A2M: variants seen among roughly 807,000 people sequenced by gnomAD.
The protein encoded by A2M is alpha-2-macroglobulin, also known as C3 and PZP-like alpha-2-macroglobulin domain-containing protein 5.
A2M carries 128 observed loss-of-function variants against 183.9 expected under a neutral mutation model. The observed-to-expected ratio is 0.70, with a 90% CI of 0.60 to 0.81. The LOEUF (loss-of-function observed/expected upper bound fraction) is 0.81. A2M is among the 30% of genes least tolerant of loss of function. The pLI, the probability that A2M is intolerant of heterozygous loss-of-function variation, is 0.00. For missense variants in A2M, 1,495 were observed against 1,787.6 expected, an observed-to-expected ratio of 0.84 and a Z score of 2.95; for synonymous variants, 592 against 670.8, an observed-to-expected ratio of 0.88 and a Z score of 1.81.
At chr12:9,105,988 A>T (rs1487890840) in intron 10 of A2M, among the ~76,000 whole-genome samples, 1 of 152,188 alleles carries the variant, frequency 6.6e-6, no homozygotes, top group Non-Finnish European at 1.5e-5. Flanking sequence ...AAGGGGGGAA[A>T]ACTCTACTAA....
In A2M at chr12:9,077,410, TCTA is replaced by T; in HGVS notation, c.3284_3286del (p.Val1095del). ...ATAGGCGGAGAGGGTCACTTCATCT[TCTA>T]CTCCTCCCTGTGAATACGAGAGAGA... is the stretch of plus-strand genomic sequence containing the variant. On this transcript the variant is annotated inframe_deletion, in exon 27 of 36. Coordinates refer to ENST00000318602, the MANE Select transcript of A2M (RefSeq NM_000014.6). The T allele has an allele frequency of 5.0e-6, 8 of 1,613,134 alleles. No homozygotes were observed. The highest frequency in any genetic ancestry group is 6.8e-6 in the Non-Finnish European group (8 of 1,179,542).
chr12:9,094,218 A>G (rs2032243039), intron 17 of A2M, among the ~76,000 whole-genome samples: 2 of 151,788 alleles, frequency 1.3e-5, no homozygotes, highest in Admixed American at 6.6e-5. Flanking sequence ...TAATAATAAT[A>G]AAGACTTTTT....
chr12:9,093,671 A>G, intron 17 of A2M, 92 bp from the exon 18 acceptor site: 1 of 727,694 alleles, frequency 1.4e-6, no homozygotes, highest in Non-Finnish European at 2.1e-6. Context: ...AAAAAACAAA[A>G]AACAAATCGT....
chr12:9,111,992 T>C, intron 4 of A2M, 167 bp downstream of exon 4: 1 of 789,392 alleles, frequency 1.3e-6, no homozygotes, highest in Non-Finnish European at 2.3e-6. Flanking sequence ...ACCTACTTTC[T>C]TTACCTGGAA....
At chr12:9,067,872 G>C (rs781331315) in intron 35 of A2M, 33 bp from the exon 36 acceptor site, 5 of 1,604,930 alleles carry the variant, frequency 3.1e-6, no homozygotes, top group Non-Finnish European at 4.3e-6. Flanking sequence ...AATTAAGACA[G>C]ATTTGGGTCT....
chr12:9,075,772 C>T (rs75158900), intron 28 of A2M, among the ~76,000 whole-genome samples: 11 of 152,196 alleles, frequency 7.2e-5, no homozygotes, highest in African/African-American at 2.2e-4. Flanking sequence ...GGAATTGTAA[C>T]GACAAATTCA....
Position 9,115,496 on chromosome 12 carries a change from T to C in A2M, c.86+268A>G, listed in dbSNP as rs187404214. On this transcript the variant is annotated intron_variant, in intron 1 of 35. Transcript: ENST00000318602. The stretch of plus-strand genomic sequence containing the variant: ...ATGGTCTCAAGTAGATCAATATGAA[T>C]GTGAATATCTAAAATTTATTCTTTT... 5.2e-5 allele frequency: 18 copies of C among 348,146 alleles called. No individual in the cohort carries two copies. The Admixed American group carries it at 6.8e-4, about 13-fold the overall frequency. The allele number at this position is 348,146 out of a possible 1,614,324, so 21.6% of individuals were successfully genotyped here.
intron 13 of A2M, among the ~76,000 whole-genome samples, chr12:9,100,016 T>A (rs1937696868): frequency 6.6e-6 from 1 of 152,250 alleles, no homozygotes; most frequent in African/African-American, 2.4e-5. Context: ...GCTATGGTGC[T>A]TCTGTGTTGC....
chr12:9,110,244 C>T, intron 5 of A2M, 70 bp downstream of exon 5: 1 of 1,297,020 alleles, frequency 7.7e-7, no homozygotes, highest in East Asian at 2.5e-5. Context: ...TTGTAAAAAC[C>T]TCTGAAATAA....
At chr12:9,105,798 T>A (rs939742302) in intron 10 of A2M, among the ~76,000 whole-genome samples, 1 of 152,218 alleles carries the variant, frequency 6.6e-6, no homozygotes, top group Non-Finnish European at 1.5e-5. Flanking sequence ...CTTTAATACT[T>A]CAAAATAAAA....
chr12:9,115,730 G>A lies in A2M; in HGVS notation c.86+34C>T, dbSNP rs372568235. On this transcript the variant is annotated intron_variant, in intron 1 of 35. Transcript: ENST00000318602. ...AATCTGCAATAAATGAAGGACTCTA[G>A]GTTCATGCTTCACGCTCTCTGTGTG... The A allele has an allele frequency of 3.3e-6, 5 of 1,535,892 alleles. No individual in the cohort carries two copies. In the African/African-American group the frequency reaches 4.1e-5, roughly 13 times the overall value.
intron 17 of A2M, 75 bp from the exon 18 acceptor site, chr12:9,093,654 CAAAA>C: frequency 1.9e-6 from 1 of 531,682 alleles, no homozygotes; most frequent in Non-Finnish European, 2.8e-6. Context: ...TAGTTGCCAC[CAAAA>C]AAAAAAAACA....
chr12:9,112,234 G>A (rs371507368), intron 3 of A2M, 23 bp from the exon 4 acceptor site: 16 of 1,613,620 alleles, frequency 9.9e-6, no homozygotes, highest in Non-Finnish European at 1.3e-5. Flanking sequence ...TATTTTTCAT[G>A]AGCCCCCAAA....
At position 9,107,540 on chromosome 12, in the gene A2M, T is replaced by C; in HGVS notation, c.863A>G (p.Glu288Gly). 1 of 1,613,958 alleles carries C rather than the reference T, an allele frequency of 6.2e-7. No individual in the cohort carries two copies. ...CHGEDSQAFCEKFSGQLNSHG... is the reference protein window; with the variant it reads ...CHGEDSQAFCGKFSGQLNSHG... ...TCAACCTACCTGTCCACTGAATTTCTCACAGAAAGCCTGTGAATCTTCACC... is the reference window on the plus strand; with the variant it reads ...TCAACCTACCTGTCCACTGAATTTCCCACAGAAAGCCTGTGAATCTTCACC... Residue 288 changes from glutamate to glycine, a missense_variant, in exon 8 of 36, where the codon GAG becomes GGG. Coordinates refer to ENST00000318602, the MANE Select transcript of A2M (RefSeq NM_000014.6).
chr12:9,109,919 T>C lies in A2M; in HGVS notation c.621A>G (p.Val207=). The C allele has an allele frequency of 6.2e-7, 1 of 1,613,900 alleles. No individual in the cohort carries two copies. The highest frequency in any genetic ancestry group is 8.5e-7 in the Non-Finnish European group (1 of 1,179,868). Residue 207 remains valine (V), a synonymous_variant, in exon 6 of 36, where the codon GTA becomes GTG. Transcript: ENST00000318602. The stretch of plus-strand genomic sequence containing the variant: ...CTGTCCTTCCACCTGATTTCTTCTG[T>C]ACCACCACCTTGTAGGAGCCCTGGA... ...EPFQGSYKVV[V]QKKSGGRTEH... is the part of the protein sequence containing the mutation.
chr12:9,114,730 C>T (rs1485047437), intron 1 of A2M, among the ~76,000 whole-genome samples: 3 of 98,838 alleles, frequency 3.0e-5, no homozygotes, highest in African/African-American at 1.8e-4. Flanking sequence ...AATACATATA[C>T]ATAAATACAT....
chr12:9,112,419 A>G lies in A2M; in HGVS notation c.388T>C (p.Phe130Leu). ...VMVKNEDSLVFVQTDKSIYKP... is the reference protein window; with the variant it reads ...VMVKNEDSLVLVQTDKSIYKP... ...TAGATTGATTTGTCTGTCTGGACAA[A>G]GACCAGACTGTCCTCGTTCTTAACC... Residue 130 changes from phenylalanine (F) to leucine (L), a missense_variant, in exon 3 of 36, where the codon TTT becomes CTT. Phe to Leu is a conservative substitution (Grantham distance 22). Coordinates refer to ENST00000318602, the MANE Select transcript of A2M (RefSeq NM_000014.6). 1 of 1,613,724 alleles carries G rather than the reference A, an allele frequency of 6.2e-7. No individual in the cohort carries two copies. The highest frequency in any genetic ancestry group is 8.5e-7 in the Non-Finnish European group (1 of 1,179,662).
In A2M at chr12:9,067,829, A is replaced by G. The variant is rs1350615491; in HGVS notation, c.4419T>C (p.Asn1473=). 2 of 1,612,832 alleles carry G rather than the reference A, an allele frequency of 1.2e-6. No homozygotes were observed. Among genetic ancestry groups the G allele is most frequent in the Non-Finnish European group, 1.7e-6 (2 of 1,179,476 alleles). ...CTTTTCAGCCTTGTGGTCTTCAAGCATTTCCAAGATCTGTGACATTGGAAA... is the reference window on the plus strand; with the variant it reads ...CTTTTCAGCCTTGTGGTCTTCAAGCGTTTCCAAGATCTGTGACATTGGAAA... ...YNAPCSKDLG[N]A Residue 1473 remains asparagine, a synonymous_variant, in exon 36 of 36, where the codon AAT becomes AAC. Transcript: ENST00000318602.
At position 9,109,849 on chromosome 12, in the gene A2M, A is replaced by G; in HGVS notation, c.673+18T>C. 1.9e-6 allele frequency: 3 copies of G among 1,570,654 alleles called. No homozygotes were observed. The highest frequency in any genetic ancestry group is 2.6e-6 in the Non-Finnish European group (3 of 1,161,960). On this transcript the variant is annotated intron_variant, in intron 6 of 35. Transcript: ENST00000318602. ...ATATGAAGAAAAATAATGCTTGATG[A>G]CTTTTCATGATCCATACCAAATTCC...
Sources: allele counts gnomAD v4.1 joint callset (sites outside exome capture counted in the v4.1 genomes callset), GRCh38; gene constraint gnomAD v4.1.1; transcripts MANE v1.5; gene names NCBI Gene and HGNC (gene_info 2026-07-23, HGNC 2026-07-21).